Variants in VAV3 observed in about 807,000 individuals in gnomAD.
The protein encoded by VAV3 is guanine nucleotide exchange factor VAV3.
Under a neutral mutation model 131.2 loss-of-function variants are expected in VAV3, and 94 were observed. The ratio of observed to expected loss-of-function variants is 0.72; its 90% confidence interval spans 0.61 to 0.85. The LOEUF (loss-of-function observed/expected upper bound fraction) is 0.85. VAV3 is among the 40% of genes least tolerant of loss of function. The pLI, the probability that VAV3 is intolerant of heterozygous loss-of-function variation, is 0.00. For synonymous variants in VAV3, 349 were observed against 342.0 expected (o/e 1.02, Z -0.22); for missense variants, 939 against 1,002.7 (o/e 0.94, Z 0.86).
At position 107,946,296 on chromosome 1, in the gene VAV3, T is replaced by C. The variant is rs188072648; in HGVS notation, c.204+18370A>G. Among the ~76,000 whole-genome samples the C allele has an allele frequency of 1.6e-4, 24 of 152,286 alleles. No individual in the cohort carries two copies. In the East Asian group the frequency reaches 3.5e-3, roughly 22 times the overall value. On this transcript the variant is annotated intron_variant, in intron 1 of 26. Transcript: ENST00000370056. ...TGCAATAATAGCTTGACCAGTATCA[T>C]GAGGTAGCTACTTTTATCCCATTTT...
At chr1:107,869,239 C>A (rs1355595925) in intron 2 of VAV3, among the ~76,000 whole-genome samples, 1 of 152,030 alleles carries the variant, frequency 6.6e-6, no homozygotes, top group East Asian at 1.9e-4. Flanking sequence ...CAAAGGAGAT[C>A]CAAGGCCACA....
chr1:107,588,833 T>C (rs1392694420), intron 25 of VAV3, among the ~76,000 whole-genome samples: 3 of 152,204 alleles, frequency 2.0e-5, no homozygotes, highest in Non-Finnish European at 4.4e-5. Context: ...ATCAAATTAT[T>C]GAATTTCAGA....
intron 15 of VAV3, among the ~76,000 whole-genome samples, chr1:107,729,497 T>C (rs1662086694): frequency 6.6e-6 from 1 of 152,118 alleles, no homozygotes; most frequent in East Asian, 1.9e-4. Context: ...TTACCAGCAA[T>C]TTGGACAACA....
At chr1:107,777,330 C>A in intron 3 of VAV3, 34 bp from the exon 4 acceptor site, 1 of 1,594,716 alleles carries the variant, frequency 6.3e-7, no homozygotes, top group Non-Finnish European at 8.6e-7. Context: ...AACAAAAAAA[C>A]AAACCCATGA....
chr1:107,598,096 G>A (rs1227075489), intron 24 of VAV3, among the ~76,000 whole-genome samples: 1 of 152,202 alleles, frequency 6.6e-6, no homozygotes, highest in Admixed American at 6.5e-5. Context: ...GTTCATGCCT[G>A]TAATCCCAGC....
At chr1:107,941,396 CT>C (rs1673989491) in intron 1 of VAV3, among the ~76,000 whole-genome samples, 1 of 152,156 alleles carries the variant, frequency 6.6e-6, no homozygotes, top group Non-Finnish European at 1.5e-5. Context: ...TTGCTTTGGG[CT>C]GTAAAAACTG....
At chr1:107,845,232 A>G (rs1324417244) in intron 2 of VAV3, among the ~76,000 whole-genome samples, 2 of 152,182 alleles carry the variant, frequency 1.3e-5, no homozygotes, top group Non-Finnish European at 2.9e-5. Context: ...AAAACTAACA[A>G]ACAGAAAGGA....
chr1:107,585,300 C>G (rs184356673), intron 25 of VAV3, among the ~76,000 whole-genome samples: 18 of 152,266 alleles, frequency 1.2e-4, no homozygotes, highest in Admixed American at 7.9e-4. Context: ...CATCTCTTAC[C>G]TTGATTGCTG....
At chr1:107,592,005 T>G (rs1650995943) in intron 25 of VAV3, among the ~76,000 whole-genome samples, 1 of 151,950 alleles carries the variant, frequency 6.6e-6, no homozygotes, top group South Asian at 2.1e-4. Flanking sequence ...CACACATATT[T>G]TATAACATAT....
At chr1:107,837,979 C>A (rs1668547296) in intron 2 of VAV3, among the ~76,000 whole-genome samples, 1 of 152,046 alleles carries the variant, frequency 6.6e-6, no homozygotes, top group Admixed American at 6.6e-5. Flanking sequence ...TGGGACCTGG[C>A]AAATAATTCA....
intron 2 of VAV3, among the ~76,000 whole-genome samples, chr1:107,813,574 C>G (rs890003650): frequency 6.6e-6 from 1 of 152,144 alleles, no homozygotes; most frequent in Non-Finnish European, 1.5e-5. Context: ...TTATAATAAC[C>G]ACCACCTCAA....
intron 17 of VAV3, among the ~76,000 whole-genome samples, chr1:107,696,241 C>T (rs1659737897): frequency 6.6e-6 from 1 of 152,116 alleles, no homozygotes; most frequent in South Asian, 2.1e-4. Flanking sequence ...AGTGTTACAA[C>T]CAAATCAAGA....
At chr1:107,906,659 C>T (rs1672122978) in intron 1 of VAV3, among the ~76,000 whole-genome samples, 1 of 151,560 alleles carries the variant, frequency 6.6e-6, no homozygotes, top group South Asian at 2.1e-4. Flanking sequence ...AAGCAAGACT[C>T]CATTTCAAAA....
At chr1:107,829,839 C>G (rs1461281345) in intron 2 of VAV3, among the ~76,000 whole-genome samples, 1 of 125,504 alleles carries the variant, frequency 8.0e-6, no homozygotes, top group Non-Finnish European at 1.8e-5. Flanking sequence ...TGCTCCATAT[C>G]ATTTAATCAG....
At chr1:107,955,822 G>A (rs1674782497) in intron 1 of VAV3, among the ~76,000 whole-genome samples, 1 of 152,128 alleles carries the variant, frequency 6.6e-6, no homozygotes, top group African/African-American at 2.4e-5. Context: ...TAAGGAGGTT[G>A]GATTTTATCC....
chr1:107,850,422 G>A (rs1669164438), intron 2 of VAV3, among the ~76,000 whole-genome samples: 1 of 152,104 alleles, frequency 6.6e-6, no homozygotes, highest in Non-Finnish European at 1.5e-5. Flanking sequence ...TCCTTTGCAG[G>A]GACATGGTTG....
intron 2 of VAV3, among the ~76,000 whole-genome samples, chr1:107,861,801 A>T (rs1453156872): frequency 6.6e-6 from 1 of 151,690 alleles, no homozygotes. Context: ...AGCAAGCAGC[A>T]TCCTTCATTT....
chr1:107,746,721 G>C (rs1301863393), intron 15 of VAV3, among the ~76,000 whole-genome samples: 1 of 152,240 alleles, frequency 6.6e-6, no homozygotes, highest in East Asian at 1.9e-4. Context: ...TAACAGAAGC[G>C]AGTGGTATTT....
At chr1:107,820,335 T>C (rs1164508996) in intron 2 of VAV3, among the ~76,000 whole-genome samples, 1 of 152,148 alleles carries the variant, frequency 6.6e-6, no homozygotes, top group Non-Finnish European at 1.5e-5. Flanking sequence ...TGGAGGACAT[T>C]ATGCTAAGTG....
Sources: allele counts gnomAD v4.1 joint callset (sites outside exome capture counted in the v4.1 genomes callset), GRCh38; gene constraint gnomAD v4.1.1; transcripts MANE v1.5; gene names NCBI Gene and HGNC (gene_info 2026-07-23, HGNC 2026-07-21).